The following RAP1A variants were observed in gnomAD, a reference collection of about 807,000 sequenced individuals.
RAP1A encodes RAP1A, member of RAS oncogene family.
Under a neutral mutation model 26.4 loss-of-function variants are expected in RAP1A, and 6 were observed. That is an observed-to-expected ratio of 0.23 (90% CI 0.12 to 0.45). The LOEUF is 0.45. Ranked by LOEUF, RAP1A falls within the 20% of genes least tolerant of loss-of-function variation. RAP1A has a pLI of 0.99. For missense variants in RAP1A, 121 were observed against 217.2 expected (o/e 0.56, Z 2.78); for synonymous variants, 73 against 79.4 (o/e 0.92, Z 0.43).
chr1:111,636,183 A>T (rs1456297267), intron 1 of RAP1A, among the ~76,000 whole-genome samples: 2 of 152,130 alleles, frequency 1.3e-5, no homozygotes, highest in African/African-American at 4.8e-5. Context: ...ACAGTATCCC[A>T]GTTTTTATTA....
At chr1:111,688,662 C>A (rs1204724724) in intron 1 of RAP1A, among the ~76,000 whole-genome samples, 1 of 151,726 alleles carries the variant, frequency 6.6e-6, no homozygotes, top group East Asian at 1.9e-4. Context: ...AAATTTTTTC[C>A]CTCTGGCTTC....
intron 6 of RAP1A, chr1:111,706,526 T>C (rs1662198359): frequency 5.6e-6 from 1 of 178,860 alleles, no homozygotes. Context: ...AAGTAGTATA[T>C]GGCTATGCCA....
chr1:111,668,427 A>G lies in RAP1A; in HGVS notation c.-27-22907A>G, dbSNP rs181779399. 5.3e-5 allele frequency among the ~76,000 whole-genome samples: 8 copies of G among 152,350 alleles called. No individual in the cohort carries two copies. In the East Asian group the frequency reaches 1.3e-3, roughly 26 times the overall value. ...AATATAAGAATGATGGGATTATGAT[A>G]GCTAACATTTTGTAGTGCTTCCTAT... On this transcript the variant is annotated intron_variant, in intron 1 of 7. Transcript: ENST00000369709.
intron 4 of RAP1A, among the ~76,000 whole-genome samples, chr1:111,701,476 C>A (rs1032367601): frequency 6.6e-6 from 1 of 152,206 alleles, no homozygotes; most frequent in African/African-American, 2.4e-5. Flanking sequence ...TTATTACCAT[C>A]TTGCATACTT....
At chr1:111,548,134 C>T (rs1164509942) in intron 1 of RAP1A, among the ~76,000 whole-genome samples, 1 of 152,226 alleles carries the variant, frequency 6.6e-6, no homozygotes, top group Non-Finnish European at 1.5e-5. Context: ...GATTCTCCTG[C>T]CTCAGCCTCC....
intron 1 of RAP1A, among the ~76,000 whole-genome samples, chr1:111,612,472 C>A (rs967799787): frequency 6.6e-6 from 1 of 152,158 alleles, no homozygotes; most frequent in African/African-American, 2.4e-5. Context: ...AAATGAACAA[C>A]TCTTGTTTCT....
chr1:111,611,649 G>A (rs565993604), intron 1 of RAP1A, among the ~76,000 whole-genome samples: 9 of 152,024 alleles, frequency 5.9e-5, no homozygotes, highest in African/African-American at 1.7e-4. Context: ...CTAATTTTAC[G>A]CACAAGGGAA....
chr1:111,616,781 A>C (rs1159893986), upstream of RAP1A, among the ~76,000 whole-genome samples: 1 of 152,178 alleles, frequency 6.6e-6, no homozygotes, highest in Non-Finnish European at 1.5e-5. Context: ...GGCCTTGCTG[A>C]GTGGTCTCAC....
chr1:111,641,891 A>G (rs1464465312), intron 1 of RAP1A, among the ~76,000 whole-genome samples: 1 of 152,200 alleles, frequency 6.6e-6, no homozygotes, highest in Admixed American at 6.5e-5. Flanking sequence ...TCCTGGCTCC[A>G]TAATTTATGT....
chr1:111,695,331 T>C lies in RAP1A; in HGVS notation c.58-10T>C. 6.5e-7 allele frequency: 1 copy of C among 1,548,250 alleles called. No homozygotes were observed. The highest frequency in any genetic ancestry group is 8.7e-7 in the Non-Finnish European group (1 of 1,152,958). The stretch of plus-strand genomic sequence containing the variant: ...TAATTTTTTAATATTTCTCTTTTTT[T>C]TTCCCCCAGACAGTTCAGTTTGTTC... On this transcript the variant is annotated splice_polypyrimidine_tract_variant and intron_variant, in intron 2 of 7. Transcript: ENST00000369709.
chr1:111,607,065 G>A (rs914138289), intron 1 of RAP1A, among the ~76,000 whole-genome samples: 6 of 149,240 alleles, frequency 4.0e-5, no homozygotes, highest in East Asian at 2.0e-4. Context: ...GGTGTTTCTC[G>A]CAGAGGGGGA....
In RAP1A at chr1:111,715,319, G is replaced by GCTCCCCC; in HGVS notation, c.*2919_*2920insTCCCCCC. On this transcript the variant is annotated 3_prime_UTR_variant, in exon 8 of 8. Coordinates refer to ENST00000369709, the MANE Select transcript of RAP1A (RefSeq NM_002884.4). ...TCTTGAACTCCTGACTTCGTGATCC[G>GCTCCCCC]CCCCCCCCTCAGCCTCCCAAAGTGC... 7.0e-6 allele frequency: 1 copy of GCTCCCCC among 143,064 alleles called. No homozygotes were observed. The allele number at this position is 143,064 out of a possible 1,614,324, so 8.9% of individuals were successfully genotyped here.
chr1:111,666,846 A>G (rs1660810226), intron 1 of RAP1A, among the ~76,000 whole-genome samples: 1 of 152,220 alleles, frequency 6.6e-6, no homozygotes. Context: ...CAAAGGGAAT[A>G]GCTTCTGCAA....
intron 1 of RAP1A, among the ~76,000 whole-genome samples, chr1:111,545,162 A>G (rs1337914): frequency 0.42 from 62,971 of 151,166 alleles, 14,625 homozygotes; most frequent in Admixed American, 0.56. Flanking sequence ...TTGCTGAATC[A>G]TACAGTAACT....
chr1:111,645,858 C>T (rs1455042046), intron 1 of RAP1A, among the ~76,000 whole-genome samples: 2 of 152,062 alleles, frequency 1.3e-5, no homozygotes, highest in Admixed American at 6.6e-5. Flanking sequence ...GTTGATCACC[C>T]TTGGAGTCGT....
chr1:111,628,242 C>T (rs1429851880), intron 1 of RAP1A, among the ~76,000 whole-genome samples: 1 of 152,122 alleles, frequency 6.6e-6, no homozygotes, highest in African/African-American at 2.4e-5. Context: ...AGAAATATCT[C>T]ATTTTTGTGT....
At chr1:111,694,388 T>C (rs1661766726) in intron 2 of RAP1A, among the ~76,000 whole-genome samples, 1 of 152,206 alleles carries the variant, frequency 6.6e-6, no homozygotes, top group African/African-American at 2.4e-5. Context: ...ATATCAAATA[T>C]TCCTCTGAGT....
At chr1:111,646,413 C>T (rs1245470055) in intron 1 of RAP1A, among the ~76,000 whole-genome samples, 2 of 126,810 alleles carry the variant, frequency 1.6e-5, no homozygotes, top group Non-Finnish European at 1.6e-5. Flanking sequence ...GTCAGTTTTC[C>T]TTTTTGTAAA....
At chr1:111,563,436 A>G (rs1657826445) in intron 1 of RAP1A, among the ~76,000 whole-genome samples, 1 of 152,230 alleles carries the variant, frequency 6.6e-6, no homozygotes, top group Non-Finnish European at 1.5e-5. Context: ...TAAGTTCTCC[A>G]AGGCCAGATT....
Sources: allele counts gnomAD v4.1 joint callset (sites outside exome capture counted in the v4.1 genomes callset), GRCh38; gene constraint gnomAD v4.1.1; transcripts MANE v1.5; gene names NCBI Gene and HGNC (gene_info 2026-07-23, HGNC 2026-07-21).